The following PPM1B variants were observed in gnomAD, a reference collection of about 807,000 sequenced individuals.
PPM1B encodes the protein protein phosphatase 1B.
PPM1B carries 22 observed loss-of-function variants against 43.0 expected under a neutral mutation model. That is an observed-to-expected ratio of 0.51 (90% CI 0.37 to 0.73). The LOEUF is 0.73. Among genes scored for constraint, PPM1B ranks in the 30% least tolerant of loss-of-function variants. The pLI is 0.00. For missense variants in PPM1B, 632 were observed against 584.2 expected (o/e 1.08, Z -0.84); for synonymous variants, 217 against 197.9 (o/e 1.10, Z -0.81).
intron 3 of PPM1B, chr2:44,209,540 G>A: frequency 2.3e-6 from 1 of 434,292 alleles, no homozygotes; most frequent in South Asian, 2.9e-5. Context: ...CCAGCACTTT[G>A]GCAGGCTGAG....
intron 1 of PPM1B, among the ~76,000 whole-genome samples, chr2:44,182,955 T>C (rs1229909798): frequency 6.6e-6 from 1 of 152,198 alleles, no homozygotes; most frequent in East Asian, 1.9e-4. Flanking sequence ...TCAGATCTTG[T>C]TGTATATTGG....
intron 5 of PPM1B, among the ~76,000 whole-genome samples, chr2:44,226,320 C>T (rs1376138490): frequency 6.6e-6 from 1 of 152,104 alleles, no homozygotes. Context: ...ACTGTCACTA[C>T]TATAGCAATT....
At chr2:44,208,576 G>T (rs551664441) in intron 2 of PPM1B, among the ~76,000 whole-genome samples, 17 of 152,234 alleles carry the variant, frequency 1.1e-4, no homozygotes, top group East Asian at 5.8e-4. Flanking sequence ...AGCCGGGCCT[G>T]GTGGCCGTCA....
chr2:44,236,529 G>A (rs56240572), downstream of PPM1B, among the ~76,000 whole-genome samples: 11 of 151,448 alleles, frequency 7.3e-5, no homozygotes, highest in African/African-American at 2.4e-4. Context: ...AATAACAGGA[G>A]AAATAATATT....
At chr2:44,207,513 G>A (rs1669244150) in intron 2 of PPM1B, among the ~76,000 whole-genome samples, 1 of 151,968 alleles carries the variant, frequency 6.6e-6, no homozygotes, top group African/African-American at 2.4e-5. Context: ...TTTAGAAAAA[G>A]TAATGAGAAC....
chr2:44,199,331 A>T (rs926294263), intron 1 of PPM1B, among the ~76,000 whole-genome samples: 15 of 145,628 alleles, frequency 1.0e-4, no homozygotes, highest in South Asian at 2.2e-4. Context: ...AAATAAAAAA[A>T]AAAAAAATTG....
At chr2:44,169,992 T>G (rs368999457) in intron 1 of PPM1B, among the ~76,000 whole-genome samples, 2 of 152,210 alleles carry the variant, frequency 1.3e-5, no homozygotes, top group Non-Finnish European at 2.9e-5. Flanking sequence ...TTTCATAGTT[T>G]AAGCCTAACA....
intron 1 of PPM1B, among the ~76,000 whole-genome samples, chr2:44,188,764 T>G: frequency 6.9e-6 from 1 of 145,166 alleles, no homozygotes; most frequent in Non-Finnish European, 1.5e-5. Flanking sequence ...CCTTCCTTCT[T>G]TCCTTCCTTC....
At chr2:44,222,293 G>C (rs1670012386) in intron 5 of PPM1B, among the ~76,000 whole-genome samples, 1 of 152,044 alleles carries the variant, frequency 6.6e-6, no homozygotes, top group Non-Finnish European at 1.5e-5. Context: ...GGAAATATTT[G>C]TATTTATTCA....
At chr2:44,194,191 C>A (rs1321202073) in intron 1 of PPM1B, among the ~76,000 whole-genome samples, 1 of 151,380 alleles carries the variant, frequency 6.6e-6, no homozygotes, top group Non-Finnish European at 1.5e-5. Context: ...TGTATGTTTC[C>A]TTTCAGTATC....
downstream of PPM1B, among the ~76,000 whole-genome samples, chr2:44,236,798 A>G (rs890913130): frequency 7.2e-5 from 11 of 152,216 alleles, no homozygotes; most frequent in Non-Finnish European, 1.5e-5. Context: ...TTTTTAAATG[A>G]CATCTCACAC....
At chr2:44,207,776 T>A (rs1669257414) in intron 2 of PPM1B, among the ~76,000 whole-genome samples, 2 of 152,052 alleles carry the variant, frequency 1.3e-5, no homozygotes, top group Admixed American at 1.3e-4. Flanking sequence ...AGAGACAAGG[T>A]TTTGCCATGA....
chr2:44,204,858 CAAA>C (rs368660082), intron 2 of PPM1B, among the ~76,000 whole-genome samples: 2 of 36,686 alleles, frequency 5.5e-5, no homozygotes, highest in Non-Finnish European at 7.6e-5. Context: ...GACTCCGTCT[CAAA>C]AAAAAAAAAA....
At chr2:44,193,389 G>T (rs1449574306) in intron 1 of PPM1B, among the ~76,000 whole-genome samples, 1 of 150,888 alleles carries the variant, frequency 6.6e-6, no homozygotes, top group Non-Finnish European at 1.5e-5. Flanking sequence ...TCTTTCCTCT[G>T]AATTTTTTTA....
chr2:44,244,533 G>A (rs1343393147), downstream of PPM1B: 1 of 370,684 alleles, frequency 2.7e-6, no homozygotes, highest in East Asian at 1.2e-4. Context: ...TGATTCCAGG[G>A]ACTCTTATGG....
rs781217071 is a variant in PPM1B at position 44,201,575 on chromosome 2, G to A, written c.376G>A (p.Gly126Arg). 2 of 1,614,148 alleles carry A rather than the reference G, an allele frequency of 1.2e-6. No homozygotes were observed. The highest frequency in any genetic ancestry group is 1.7e-6 in the Non-Finnish European group (2 of 1,180,032). ...GCGTAACTTTTCAGACCTCAGAAAC[G>A]GGATGGACAGGAGTGGTTCAACTGC... is the stretch of plus-strand genomic sequence containing the variant. ...YMRNFSDLRNGMDRSGSTAVG... is the reference protein window; with the variant it reads ...YMRNFSDLRNRMDRSGSTAVG... Residue 126 changes from glycine to arginine, a missense_variant, in exon 2 of 6, where the codon GGG becomes AGG. Coordinates refer to ENST00000282412, the MANE Select transcript of PPM1B (RefSeq NM_002706.6). The surrounding 1 kb of genome is among the most constrained non-coding windows in gnomAD (Gnocchi z 5.4).
At position 44,231,094 on chromosome 2, in the gene PPM1B, C is replaced by T; in HGVS notation, c.*376C>T. The T allele has an allele frequency of 3.3e-6, 3 of 903,948 alleles. No homozygotes were observed. The highest frequency in any genetic ancestry group is 4.0e-6 in the Non-Finnish European group (3 of 755,312). The allele number at this position is 903,948 out of a possible 1,614,324, so 56.0% of individuals were successfully genotyped here. On this transcript the variant is annotated 3_prime_UTR_variant, in exon 6 of 6. Coordinates refer to ENST00000282412, the MANE Select transcript of PPM1B (RefSeq NM_002706.6). ...ATTATACTGCTTCATATTATTTTAC[C>T]TATTAGTACACTCATAGTTAGCTTT...
chr2:44,227,167 G>C lies in PPM1B; in HGVS notation c.1135-3246G>C, dbSNP rs561652415. The stretch of plus-strand genomic sequence containing the variant: ...TAAATTTTTGTTTTGTAGAGACGGG[G>C]TCTCCCCGTGTTGCTCAGGCTGGTC... On this transcript the variant is annotated intron_variant, in intron 5 of 5. Transcript: ENST00000282412. Among the ~76,000 whole-genome samples the C allele has an allele frequency of 5.3e-5, 8 of 151,768 alleles. No individual in the cohort carries two copies. The East Asian group carries it at 1.4e-3, about 26-fold the overall frequency.
At chr2:44,230,259 A>G (rs1250835780) in intron 5 of PPM1B, 154 bp from the exon 6 acceptor site, 7 of 1,448,240 alleles carry the variant, frequency 4.8e-6, no homozygotes, top group Non-Finnish European at 5.5e-6. Flanking sequence ...TTATTAATTG[A>G]TACAGGTAAG....
Sources: gnomAD v4.1 joint callset for allele counts (sites outside exome capture counted in the v4.1 genomes callset) on GRCh38, gnomAD v4.1.1 for gene constraint, Gnocchi (gnomAD v3.1) non-coding constraint, MANE v1.5 for transcripts, NCBI Gene and HGNC (gene_info 2026-07-23, HGNC 2026-07-21) for gene names.